PPCS: variants seen among roughly 807,000 people sequenced by gnomAD.
PPCS encodes phosphopantothenoylcysteine synthetase, also known as phosphopantothenate--cysteine ligase.
PPCS carries 17 observed loss-of-function variants against 24.6 expected under a neutral mutation model. That is an observed-to-expected ratio of 0.69 (90% CI 0.47 to 1.04). The LOEUF (loss-of-function observed/expected upper bound fraction) is 1.04, where lower values mean the gene tolerates loss of function less well. PPCS is among the 50% of genes least tolerant of loss of function. The probability of loss-of-function intolerance (pLI) is 0.00; values close to 1 mark genes in which losing one functional copy is unlikely to be tolerated. For synonymous variants in PPCS, 190 were observed against 168.3 expected, an observed-to-expected ratio of 1.13 and a Z score of -1.00; for missense variants, 360 against 402.8, an observed-to-expected ratio of 0.89 and a Z score of 0.91.
Position 42,460,023 on chromosome 1 carries a change from G to C in PPCS, c.*97G>C. ...TGGCTTTCATATGGACAGATAAAAT[G>C]AAAGAAAGGGAAAAGGCAGTGGTGT... On this transcript the variant is annotated 3_prime_UTR_variant, in exon 3 of 3. Coordinates refer to ENST00000372561, the MANE Select transcript of PPCS (RefSeq NM_024664.4). The C allele has an allele frequency of 6.9e-7, 1 of 1,450,030 alleles. No individual in the cohort carries two copies. The highest frequency in any genetic ancestry group is 2.4e-5 in the East Asian group (1 of 41,324). The allele number at this position is 1,450,030 out of a possible 1,614,324, so 89.8% of individuals were successfully genotyped here.
downstream of PPCS, among the ~76,000 whole-genome samples, chr1:42,462,529 A>G (rs560560699): frequency 6.6e-6 from 1 of 152,334 alleles, no homozygotes; most frequent in South Asian, 2.1e-4. Flanking sequence ...TTTGTGAAGT[A>G]TTCTCTTGGG....
chr1:42,465,500 G>A (rs1218091255), downstream of PPCS, among the ~76,000 whole-genome samples: 1 of 152,126 alleles, frequency 6.6e-6, no homozygotes. Flanking sequence ...GAGTAGCTGG[G>A]ATTATAGGCA....
At chr1:42,462,719 C>T (rs1643443820), downstream of PPCS, among the ~76,000 whole-genome samples, 1 of 152,064 alleles carries the variant, frequency 6.6e-6, no homozygotes, top group Non-Finnish European at 1.5e-5. Flanking sequence ...TTTTGCATTA[C>T]ATAGGTGGGG....
In PPCS at chr1:42,456,651, G is replaced by T; in HGVS notation, c.86G>T (p.Arg29Met). 1 of 1,594,560 alleles carries T rather than the reference G, an allele frequency of 6.3e-7. No homozygotes were observed. The highest frequency in any genetic ancestry group is 8.5e-7 in the Non-Finnish European group (1 of 1,172,872). The change falls in exon 1 of 3, where the codon AGG becomes ATG. Residue 29 changes from arginine (R) to methionine (M), a missense_variant. By Grantham distance (91) the Arg-to-Met change is moderately conservative. Around this residue, in one of 2 missense-constraint regions of PPCS, gnomAD observed 244 missense variants for 234.7 expected, o/e 1.04. Coordinates refer to ENST00000372561, the MANE Select transcript of PPCS (RefSeq NM_024664.4). ...GAGGTTATGGCTCGCTTCGCGGCCA[G>T]GCTGGGCGCGCAGGGCCGGCGGGTG... ...WAEVMARFAA[R>M]LGAQGRRVVL... is the part of the protein sequence containing the mutation.
downstream of PPCS, among the ~76,000 whole-genome samples, chr1:42,461,524 C>T (rs1643410404): frequency 6.6e-6 from 1 of 151,426 alleles, no homozygotes; most frequent in Non-Finnish European, 1.5e-5. Flanking sequence ...TTCATAGAGA[C>T]AAGGTCTTAC....
In PPCS at chr1:42,459,591, T is replaced by C; in HGVS notation, c.613-12T>C. The stretch of plus-strand genomic sequence containing the variant: ...ATTGTTTGCTTATTAAGCTTTTCTT[T>C]TTCCAATACAGATAACAATGAAGAT... On this transcript the variant is annotated splice_polypyrimidine_tract_variant and intron_variant, in intron 2 of 2. Transcript: ENST00000372561. 6.2e-7 allele frequency: 1 copy of C among 1,602,270 alleles called. No homozygotes were observed. The highest frequency in any genetic ancestry group is 8.5e-7 in the Non-Finnish European group (1 of 1,173,634).
rs1460564673 is a variant in PPCS at position 42,459,737 on chromosome 1, T to C, written c.747T>C (p.Ile249=). The C allele has an allele frequency of 1.9e-6, 3 of 1,614,202 alleles. No homozygotes were observed. The African/African-American group carries it at 4.0e-5, about 22-fold the overall frequency. The part of the protein sequence containing the change: ...VINRARKALE[I]YQHQVVVANI... ...ATCGAGCTCGGAAGGCTTTGGAAATTTATCAGCATCAAGTGGTGGTGGCTA... is the reference window on the plus strand; with the variant it reads ...ATCGAGCTCGGAAGGCTTTGGAAATCTATCAGCATCAAGTGGTGGTGGCTA... The change falls in exon 3 of 3, where the codon ATT becomes ATC. Residue 249 remains isoleucine, a synonymous_variant. Transcript: ENST00000372561.
chr1:42,460,391 C>T lies in PPCS; in HGVS notation c.*465C>T. ...AAATCAAGTGCAATAAAGTGTGTGT[C>T]CAAAAGCTGACACAATGGAAAGGAT... On this transcript the variant is annotated 3_prime_UTR_variant, in exon 3 of 3. Transcript: ENST00000372561. 1.0e-6 allele frequency: 1 copy of T among 986,180 alleles called. No individual in the cohort carries two copies. The highest frequency in any genetic ancestry group is 1.2e-6 in the Non-Finnish European group (1 of 830,198). The allele number at this position is 986,180 out of a possible 1,614,324, so 61.1% of individuals were successfully genotyped here.
At chr1:42,472,891 A>G (rs1425333180) in intron 2 of PPCS, among the ~76,000 whole-genome samples, 1 of 152,136 alleles carries the variant, frequency 6.6e-6, no homozygotes, top group Admixed American at 6.5e-5. Flanking sequence ...TTGTATGTGT[A>G]TTGCCAGCTA....
At position 42,456,653 on chromosome 1, in the gene PPCS, C is replaced by G. The variant is rs1265978840; in HGVS notation, c.88C>G (p.Leu30Val). 8 of 1,595,958 alleles carry G rather than the reference C, an allele frequency of 5.0e-6. No individual in the cohort carries two copies. Among genetic ancestry groups the G allele is most frequent in the Admixed American group, 1.7e-5 (1 of 58,744 alleles). The change falls in exon 1 of 3, where the codon CTG becomes GTG. Residue 30 changes from leucine to valine, a missense_variant. Leu to Val is a conservative substitution (Grantham distance 32). Transcript: ENST00000372561. ...AEVMARFAAR[L>V]GAQGRRVVLV... ...GGTTATGGCTCGCTTCGCGGCCAGG[C>G]TGGGCGCGCAGGGCCGGCGGGTGGT...
chr1:42,459,521 T>A, intron 2 of PPCS, 82 bp from the exon 3 acceptor site: 1 of 1,200,392 alleles, frequency 8.3e-7, no homozygotes, highest in African/African-American at 1.5e-5. Context: ...CCACTTAAAT[T>A]TAATTCCTTA....
intron 2 of PPCS, among the ~76,000 whole-genome samples, chr1:42,472,753 GTTTCA>G (rs1643812352): frequency 1.3e-5 from 2 of 151,710 alleles, no homozygotes; most frequent in African/African-American, 4.8e-5. Flanking sequence ...ATTACCAGCT[GTTTCA>G]TTTAAGTGCT....
rs1379613636 is a variant in PPCS, at chr1:42,456,596, C to T, written c.31C>T (p.Pro11Ser). The T allele has an allele frequency of 1.1e-5, 17 of 1,509,218 alleles. No homozygotes were observed. The highest frequency in any genetic ancestry group is 1.3e-5 in the Non-Finnish European group (15 of 1,131,374). The allele number at this position is 1,509,218 out of a possible 1,614,324, so 93.5% of individuals were successfully genotyped here. A position where few individuals can be genotyped will look rare whatever the true frequency, so the allele number is the denominator to read the frequency against. The change falls in exon 1 of 3, where the codon CCC (proline) becomes TCC (serine). Residue 11 changes from proline (P) to serine (S), a missense_variant. Physicochemically the swap from Pro to Ser is moderately conservative, Grantham distance 74 (BLOSUM62 -1). This residue lies in a region of PPCS where 244 missense variants were observed against 234.7 expected (regional missense o/e 1.04). Coordinates refer to ENST00000372561, the MANE Select transcript of PPCS (RefSeq NM_024664.4). MAEMDPVAEF[P>S]QPPGAARWAE... The stretch of plus-strand genomic sequence containing the variant: ...GGAAATGGATCCGGTAGCCGAGTTC[C>T]CCCAGCCTCCCGGTGCTGCGCGCTG...
chr1:42,456,491 G>C, upstream of PPCS: 1 of 1,396,710 alleles, frequency 7.2e-7, no homozygotes. Context: ...GGCGCGGCGC[G>C]TACACCAGGT....
chr1:42,464,690 G>A (rs1373426888), downstream of PPCS, among the ~76,000 whole-genome samples: 1 of 152,230 alleles, frequency 6.6e-6, no homozygotes, highest in Non-Finnish European at 1.5e-5. Flanking sequence ...TGGAAAGCTT[G>A]ACTTAATTTG....
intron 2 of PPCS, among the ~76,000 whole-genome samples, chr1:42,467,307 C>T (rs1160153255): frequency 1.3e-5 from 2 of 152,174 alleles, no homozygotes; most frequent in Non-Finnish European, 2.9e-5. Context: ...GCCAGCCTGG[C>T]AGCAGGAACA....
At chr1:42,472,691 T>C (rs570182512) in intron 2 of PPCS, among the ~76,000 whole-genome samples, 3 of 152,240 alleles carry the variant, frequency 2.0e-5, no homozygotes, top group African/African-American at 4.8e-5. Context: ...GTATATCATG[T>C]CATTTGTTAT....
chr1:42,466,538 G>T (rs966617596), intron 2 of PPCS, among the ~76,000 whole-genome samples: 8 of 147,210 alleles, frequency 5.4e-5, no homozygotes, highest in East Asian at 4.1e-4. Context: ...TAGTTTTTTT[G>T]TTGTTGTTGT....
intron 2 of PPCS, among the ~76,000 whole-genome samples, chr1:42,467,417 A>T (rs1324159950): frequency 6.6e-6 from 1 of 152,208 alleles, no homozygotes; most frequent in Non-Finnish European, 1.5e-5. Flanking sequence ...GAAAATGATG[A>T]AAGAAGTACT....
Sources: gnomAD v4.1 joint callset for allele counts (sites outside exome capture counted in the v4.1 genomes callset) on GRCh38, gnomAD v4.1.1 for gene constraint, gnomAD v4.1.1 regional missense constraint, MANE v1.5 for transcripts, NCBI Gene and HGNC (gene_info 2026-07-23, HGNC 2026-07-21) for gene names.